Variants in FRMPD4 observed in about 807,000 individuals in gnomAD.
FRMPD4 encodes the protein FERM and PDZ domain-containing protein 4.
Under a neutral mutation model 94.1 loss-of-function variants are expected in FRMPD4, and 22 were observed. The ratio of observed to expected loss-of-function variants is 0.23; its 90% confidence interval spans 0.17 to 0.33. The LOEUF (loss-of-function observed/expected upper bound fraction) is 0.33, where lower values mean the gene tolerates loss of function less well. Ranked by LOEUF, FRMPD4 falls within the 10% of genes least tolerant of loss-of-function variation. FRMPD4 has a pLI of 1.00. For missense variants in FRMPD4, 1,111 were observed against 1,339.9 expected, an observed-to-expected ratio of 0.83 and a Z score of 2.67; for synonymous variants, 631 against 548.6, an observed-to-expected ratio of 1.15 and a Z score of -2.10.
rs912619196 is a variant in FRMPD4, at chrX:12,506,830, A to G, written c.158+8034A>G. 9.8e-5 allele frequency among the ~76,000 whole-genome samples: 11 copies of G among 112,489 alleles called. No homozygotes were observed. The East Asian group carries it at 3.1e-3, about 31-fold the overall frequency. On this transcript the variant is annotated intron_variant, in intron 2 of 16. Transcript: ENST00000675598. ...AATTGTTTTGATTGTACTTCTTAAT[A>G]TGAGCACATCCTACTAACACTCCCT...
At chrX:11,875,880 T>TG (rs1286998767) in intron 2 of FRMPD4, among the ~76,000 whole-genome samples, 1 of 90,606 alleles carries the variant, frequency 1.1e-5, no homozygotes, top group Non-Finnish European at 2.2e-5. Context: ...TTTTTTTTTT[T>TG]TTTTTTTTTT....
chrX:12,206,204 T>C (rs1463814695), intron 1 of FRMPD4, among the ~76,000 whole-genome samples: 13 of 112,328 alleles, frequency 1.2e-4, no homozygotes, highest in Admixed American at 1.1e-3. Flanking sequence ...TTAAACTAAA[T>C]TGAATTAAAT....
At chrX:12,460,411 A>G (rs985749857) in intron 1 of FRMPD4, among the ~76,000 whole-genome samples, 1 of 112,040 alleles carries the variant, frequency 8.9e-6, no homozygotes, top group Non-Finnish European at 1.9e-5. Flanking sequence ...GTTTGGAGAT[A>G]TGATCCATTT....
At chrX:12,607,907 T>C (rs771543909) in intron 2 of FRMPD4, among the ~76,000 whole-genome samples, 2 of 112,680 alleles carry the variant, frequency 1.8e-5, no homozygotes, top group South Asian at 3.7e-4. Context: ...GGAGTTGTCA[T>C]TGATCTTACC....
intron 3 of FRMPD4, among the ~76,000 whole-genome samples, chrX:12,092,487 G>T (rs753685400): frequency 9.0e-6 from 1 of 111,531 alleles, no homozygotes; most frequent in African/African-American, 3.3e-5. Context: ...TCTGCCTTGA[G>T]ATGGAGCTCC....
At chrX:12,633,659 T>C (rs1411316360) in intron 4 of FRMPD4, among the ~76,000 whole-genome samples, 1 of 112,306 alleles carries the variant, frequency 8.9e-6, no homozygotes, top group Non-Finnish European at 1.9e-5. Context: ...TAGTTTTGTT[T>C]GGTTTTTTAA....
At chrX:12,471,819 A>G (rs1380947893) in intron 1 of FRMPD4, among the ~76,000 whole-genome samples, 2 of 112,014 alleles carry the variant, frequency 1.8e-5, no homozygotes, top group Admixed American at 9.5e-5. Flanking sequence ...GTCTCACATC[A>G]TGTCTGCCAA....
chrX:12,414,899 C>T (rs755152430), intron 1 of FRMPD4, among the ~76,000 whole-genome samples: 6 of 112,056 alleles, frequency 5.4e-5, no homozygotes, highest in East Asian at 5.6e-4. Context: ...TACTTTTACA[C>T]GTGATCACTA....
intron 3 of FRMPD4, among the ~76,000 whole-genome samples, chrX:11,983,939 T>C: frequency 8.9e-6 from 1 of 112,209 alleles, no homozygotes; most frequent in Non-Finnish European, 1.9e-5. Flanking sequence ...GAACTGAGGG[T>C]CCTGGGAATT....
At chrX:12,184,313 T>C (rs1313455441) in intron 1 of FRMPD4, among the ~76,000 whole-genome samples, 4 of 111,548 alleles carry the variant, frequency 3.6e-5, no homozygotes. Context: ...AGAGATGGCA[T>C]TGAGCCACCT....
intron 1 of FRMPD4, among the ~76,000 whole-genome samples, chrX:11,837,993 G>A (rs1297378013): frequency 1.8e-5 from 2 of 111,505 alleles, no homozygotes; most frequent in Admixed American, 1.9e-4. Flanking sequence ...AAATTAGAAA[G>A]CAATATCAGA....
At chrX:12,379,632 G>T (rs1244010337) in intron 1 of FRMPD4, among the ~76,000 whole-genome samples, 1 of 92,270 alleles carries the variant, frequency 1.1e-5, no homozygotes, top group African/African-American at 4.1e-5. Flanking sequence ...ACATTTTATT[G>T]ATATGCTGCC....
intron 1 of FRMPD4, among the ~76,000 whole-genome samples, chrX:11,829,806 C>G (rs1430977297): frequency 8.9e-6 from 1 of 111,817 alleles, no homozygotes; most frequent in Non-Finnish European, 1.9e-5. Flanking sequence ...GAAAATAGGA[C>G]CTTTGTTACA....
At chrX:12,648,334 T>C (rs1172960179) in intron 4 of FRMPD4, among the ~76,000 whole-genome samples, 1 of 111,781 alleles carries the variant, frequency 8.9e-6, no homozygotes, top group Non-Finnish European at 1.9e-5. Context: ...CTGCCTGTAG[T>C]CCTCTTTTCA....
intron 9 of FRMPD4, among the ~76,000 whole-genome samples, chrX:12,701,308 C>G (rs1242467070): frequency 2.7e-5 from 3 of 110,060 alleles, no homozygotes; most frequent in Non-Finnish European, 3.8e-5. Flanking sequence ...CCAGGGCTCA[C>G]GTAATCCACC....
At position 12,402,067 on chromosome X, in the gene FRMPD4, G is replaced by A. The variant is rs2056614801; in HGVS notation, c.42-96613G>A. Among the ~76,000 whole-genome samples, 3 of 111,091 alleles carry A rather than the reference G, an allele frequency of 2.7e-5. No homozygotes were observed. In the South Asian group the frequency reaches 1.1e-3, roughly 42 times the overall value. The stretch of plus-strand genomic sequence containing the variant: ...CCATGGTTTCCTGGCCTGTGCTAGG[G>A]AAGTGAGAGTTCAGACTTCCAAGGT... On this transcript the variant is annotated intron_variant, in intron 1 of 16. Transcript: ENST00000675598.
At chrX:12,290,412 A>G (rs757693061) in intron 1 of FRMPD4, among the ~76,000 whole-genome samples, 15 of 112,505 alleles carry the variant, frequency 1.3e-4, no homozygotes, top group Non-Finnish European at 2.8e-4. Flanking sequence ...ACTGAGCCTC[A>G]GTTTTCTCCT....
chrX:11,899,889 G>A (rs1162520202), intron 3 of FRMPD4, among the ~76,000 whole-genome samples: 1 of 112,276 alleles, frequency 8.9e-6, no homozygotes, highest in African/African-American at 3.2e-5. Flanking sequence ...TCTGAACAAT[G>A]TTTTTTCTTT....
rs893642822 is a variant in FRMPD4, at chrX:12,236,943, C to T, written c.41+97931C>T. ...CAACTGACAAGGGGGTTGCTAGTGA[C>T]ATCTAAAGGGTAAAGGATAAGGATG... is the stretch of plus-strand genomic sequence containing the variant. On this transcript the variant is annotated intron_variant, in intron 1 of 16. Coordinates refer to ENST00000675598, the MANE Select transcript of FRMPD4 (RefSeq NM_001368397.1). Among the ~76,000 whole-genome samples the T allele has an allele frequency of 9.8e-5, 11 of 111,723 alleles. No homozygotes were observed. In the Admixed American group the frequency reaches 1.0e-3, roughly 11 times the overall value.
Sources: gnomAD v4.1 joint callset for allele counts (sites outside exome capture counted in the v4.1 genomes callset) on GRCh38, gnomAD v4.1.1 for gene constraint, MANE v1.5 for transcripts, NCBI Gene and HGNC (gene_info 2026-07-23, HGNC 2026-07-21) for gene names.